Variants in RHOBTB1 observed in about 807,000 individuals in gnomAD.
RHOBTB1 encodes rho-related BTB domain-containing protein 1.
In RHOBTB1, 40 loss-of-function variants were observed where a neutral mutation model predicts 71.6. That is an observed-to-expected ratio of 0.56 (90% CI 0.43 to 0.73). RHOBTB1 has a LOEUF of 0.73. Among genes scored for constraint, RHOBTB1 ranks in the 30% least tolerant of loss-of-function variants. The pLI, the probability that RHOBTB1 is intolerant of heterozygous loss-of-function variation, is 0.00. For missense variants in RHOBTB1, 797 were observed against 894.0 expected (o/e 0.89, Z 1.38); for synonymous variants, 319 against 334.9 (o/e 0.95, Z 0.52).
chr10:60,962,051 G>T (rs1266629535), intron 2 of RHOBTB1, among the ~76,000 whole-genome samples: 7 of 151,916 alleles, frequency 4.6e-5, no homozygotes, highest in Non-Finnish European at 1.5e-5. Flanking sequence ...GAATTGATCC[G>T]CCGGCCTCGG....
chr10:60,885,639 T>G (rs527824590), intron 7 of RHOBTB1, among the ~76,000 whole-genome samples: 1 of 152,304 alleles, frequency 6.6e-6, no homozygotes, highest in East Asian at 1.9e-4. Context: ...GGCACAGGAA[T>G]GCGGCTTCTC....
At chr10:60,943,197 T>C (rs2085008653) in intron 1 of RHOBTB1, among the ~76,000 whole-genome samples, 1 of 152,230 alleles carries the variant, frequency 6.6e-6, no homozygotes, top group South Asian at 2.1e-4. Context: ...CCCTTCTAAC[T>C]TTCTGGCTTG....
chr10:60,988,396 A>C (rs762641772), intron 1 of RHOBTB1, among the ~76,000 whole-genome samples: 8 of 151,454 alleles, frequency 5.3e-5, no homozygotes, highest in Non-Finnish European at 1.2e-4. Context: ...TGGGGTACAA[A>C]TTTTCCTGTT....
chr10:60,944,926 G>T (rs541636452), upstream of RHOBTB1, among the ~76,000 whole-genome samples: 1 of 152,194 alleles, frequency 6.6e-6, no homozygotes, highest in African/African-American at 2.4e-5. Context: ...CCTGCAAATG[G>T]CTGAGTGAGG....
downstream of RHOBTB1, among the ~76,000 whole-genome samples, chr10:60,868,759 C>T (rs2080655368): frequency 6.6e-6 from 1 of 152,182 alleles, no homozygotes; most frequent in Non-Finnish European, 1.5e-5. Flanking sequence ...GAAACTTAGA[C>T]CAAGACTTTC....
intron 2 of RHOBTB1, among the ~76,000 whole-genome samples, chr10:60,925,012 C>G (rs913510138): frequency 3.9e-5 from 6 of 152,170 alleles, no homozygotes; most frequent in African/African-American, 1.4e-4. Context: ...CTTGAGCCAT[C>G]CTCTTGGTGA....
chr10:60,964,434 T>C (rs1394823736), intron 2 of RHOBTB1, among the ~76,000 whole-genome samples: 5 of 152,182 alleles, frequency 3.3e-5, no homozygotes, highest in Admixed American at 1.3e-4. Context: ...CAACTTGTAT[T>C]AAGGAAGACA....
chr10:60,958,803 G>A (rs2085682717), intron 2 of RHOBTB1, among the ~76,000 whole-genome samples: 2 of 152,018 alleles, frequency 1.3e-5, no homozygotes, highest in African/African-American at 4.8e-5. Flanking sequence ...ATTTTGCCAT[G>A]TTGTGCAGGC....
At position 60,896,914 on chromosome 10, in the gene RHOBTB1, A is replaced by C. The variant is rs577907063; in HGVS notation, c.297-3919T>G. Among the ~76,000 whole-genome samples the C allele has an allele frequency of 2.5e-4, 38 of 152,306 alleles. 1 individual carries two copies. The highest frequency in any genetic ancestry group is 4.9e-4 in the Non-Finnish European group (33 of 68,024). On this transcript the variant is annotated intron_variant, in intron 4 of 10. Coordinates refer to ENST00000337910, the MANE Select transcript of RHOBTB1 (RefSeq NM_014836.5). ...AGACCAAGTCATCCAAAAATGCCTG[A>C]GCTGATAAAGCCAAGCTCAGCTGCA...
At chr10:60,906,403 G>A (rs937602222) in intron 4 of RHOBTB1, among the ~76,000 whole-genome samples, 2 of 152,164 alleles carry the variant, frequency 1.3e-5, no homozygotes, top group African/African-American at 4.8e-5. Flanking sequence ...CTGGTCTTCA[G>A]GGTCTACACA....
At chr10:60,952,158 A>G (rs914745020) in intron 2 of RHOBTB1, among the ~76,000 whole-genome samples, 1 of 151,730 alleles carries the variant, frequency 6.6e-6, no homozygotes, top group Non-Finnish European at 1.5e-5. Context: ...GGCCAGCTAT[A>G]TGATTTATGC....
At chr10:60,866,689 A>G (rs1430613520), downstream of RHOBTB1, among the ~76,000 whole-genome samples, 1 of 152,108 alleles carries the variant, frequency 6.6e-6, no homozygotes, top group African/African-American at 2.4e-5. Context: ...TACTTAATAG[A>G]AAACATGGAG....
At chr10:60,896,999 G>C (rs76187307) in intron 4 of RHOBTB1, among the ~76,000 whole-genome samples, 1 of 151,916 alleles carries the variant, frequency 6.6e-6, no homozygotes, top group Non-Finnish European at 1.5e-5. Flanking sequence ...GTTATCTTTC[G>C]AGGGGAACAC....
intron 2 of RHOBTB1, among the ~76,000 whole-genome samples, chr10:60,967,067 G>A (rs2134610312): frequency 6.6e-6 from 1 of 152,188 alleles, no homozygotes; most frequent in East Asian, 1.9e-4. Context: ...AGGGAGCGAT[G>A]CAGTATGGTT....
intron 2 of RHOBTB1, among the ~76,000 whole-genome samples, chr10:60,936,861 G>A (rs995681390): frequency 3.3e-5 from 5 of 152,160 alleles, no homozygotes; most frequent in African/African-American, 1.2e-4. Flanking sequence ...GAAGGTTAAG[G>A]ACAACATAGC....
rs34154360 is a variant in RHOBTB1, at chr10:60,986,404, GATATATAT to G, written c.-162-467_-162-460del. ...AGAAATTAATGAAATATAAATAAAA[GATATATAT>G]ATATATATATATATATATAAAATAT... On this transcript the variant is annotated intron_variant, in intron 1 of 11. Coordinates refer to the RHOBTB1 transcript ENST00000357917. 5.1e-3 allele frequency among the ~76,000 whole-genome samples: 342 copies of G among 67,640 alleles called. 7 individuals carry two copies. Among genetic ancestry groups the G allele is most frequent in the African/African-American group, 0.012 (292 of 25,096 alleles). 44.4% of individuals were successfully genotyped at this position (67,640 alleles called of 152,430 possible). A position where few individuals can be genotyped will look rare whatever the true frequency, so the allele number is the denominator to read the frequency against.
intron 2 of RHOBTB1, among the ~76,000 whole-genome samples, 175 bp from the exon 3 acceptor site, chr10:60,911,727 T>G (rs1270557390): frequency 6.6e-6 from 1 of 152,252 alleles, no homozygotes; most frequent in Non-Finnish European, 1.5e-5. Flanking sequence ...AAGTTTTCTT[T>G]TTATATCTCA....
chr10:60,905,223 G>A (rs2082606167), intron 4 of RHOBTB1, among the ~76,000 whole-genome samples: 1 of 151,650 alleles, frequency 6.6e-6, no homozygotes, highest in Admixed American at 6.6e-5. Flanking sequence ...AGCCAAGGCG[G>A]GCAGATCACA....
intron 4 of RHOBTB1, among the ~76,000 whole-genome samples, chr10:60,898,381 C>T (rs1159010790): frequency 6.6e-6 from 1 of 152,164 alleles, no homozygotes; most frequent in African/African-American, 2.4e-5. Context: ...CAGGGCTATG[C>T]AAACAGACAG....
Sources: allele counts gnomAD v4.1 joint callset (sites outside exome capture counted in the v4.1 genomes callset), GRCh38; gene constraint gnomAD v4.1.1; transcripts MANE v1.5; gene names NCBI Gene and HGNC (gene_info 2026-07-23, HGNC 2026-07-21).